The following BPTF variants were observed in gnomAD, a reference collection of about 807,000 sequenced individuals.
BPTF encodes nucleosome-remodeling factor subunit BPTF.
A neutral mutation model predicts 292.5 loss-of-function variants in BPTF; 18 were observed. The ratio of observed to expected loss-of-function variants is 0.06; its 90% CI spans 0.04 to 0.09. The LOEUF (loss-of-function observed/expected upper bound fraction) is 0.09. Ranked by LOEUF, BPTF falls within the 10% of genes least tolerant of loss-of-function variation. The pLI, the probability that BPTF is intolerant of heterozygous loss-of-function variation, is 1.00. For missense variants in BPTF, 2,726 were observed against 3,498.7 expected (o/e 0.78, Z 5.57); for synonymous variants, 1,225 against 1,251.9 (o/e 0.98, Z 0.45).
rs2070526119 is a variant in BPTF, at chr17:67,982,394, TG to T, written c.*107del. 1 of 1,066,478 alleles carries T rather than the reference TG, an allele frequency of 9.4e-7. No homozygotes were observed. Among genetic ancestry groups the T allele is most frequent in the East Asian group, 2.4e-5 (1 of 41,080 alleles). The allele number at this position is 1,066,478 out of a possible 1,614,324, so 66.1% of individuals were successfully genotyped here. ...TTAGTCAGGCTATCCTGACAAGACT[TG>T]ACCTAAACTTCGTTTTTATTGGTCA... On this transcript the variant is annotated 3_prime_UTR_variant, in exon 28 of 28. Transcript: ENST00000306378.
Position 67,912,861 on chromosome 17 carries a change from G to A in BPTF, c.4977G>A (p.Thr1659=), listed in dbSNP as rs766814529. The change falls in exon 11 of 28, where the codon ACG becomes ACA. Residue 1659 remains threonine, a synonymous_variant. Coordinates refer to ENST00000306378, the MANE Select transcript of BPTF (RefSeq NM_182641.4). ...AGCAGAGCAAAACCGTGGTCACCAC[G>A]ACAGTGACAGACTCCCTGACCACCA... ...VKEQSKTVVT[T]TVTDSLTTTG... is the part of the protein sequence containing the mutation. 12 of 1,614,096 alleles carry A rather than the reference G, an allele frequency of 7.4e-6. No individual in the cohort carries two copies. Among genetic ancestry groups the A allele is most frequent in the East Asian group, 4.5e-5 (2 of 44,880 alleles).
rs538372161 is a variant in BPTF, at chr17:67,952,542, C to T, written c.7926+4236C>T. Reference sequence around the variant, plus strand: ...CCTCCCAAAGTGCTGGGATTCCAGGCGTGAGCCACCACGCCCAGCCAATAG... The same window carrying T: ...CCTCCCAAAGTGCTGGGATTCCAGGTGTGAGCCACCACGCCCAGCCAATAG... On this transcript the variant is annotated intron_variant, in intron 23 of 27. Transcript: ENST00000306378. Among the ~76,000 whole-genome samples the T allele has an allele frequency of 1.2e-3, 186 of 152,222 alleles. 3 individuals are homozygous for T. The highest frequency in any genetic ancestry group is 4.3e-3 in the African/African-American group (180 of 41,540).
chr17:67,954,527 C>A (rs1437875127), intron 23 of BPTF, among the ~76,000 whole-genome samples: 2 of 152,172 alleles, frequency 1.3e-5, no homozygotes, highest in Non-Finnish European at 2.9e-5. Context: ...CCTTACCCCC[C>A]AGAAACCCTA....
intron 9 of BPTF, among the ~76,000 whole-genome samples, chr17:67,906,757 G>A (rs947791043): frequency 6.6e-6 from 1 of 151,958 alleles, no homozygotes. Flanking sequence ...TATCTTGCTC[G>A]CGACAGAATT....
chr17:67,849,382 G>A (rs1227081629), intron 1 of BPTF, among the ~76,000 whole-genome samples: 1 of 152,228 alleles, frequency 6.6e-6, no homozygotes, highest in Non-Finnish European at 1.5e-5. Context: ...GCTTGGGCCT[G>A]AGATTCTGAA....
chr17:67,849,994 G>A (rs1276561598), intron 1 of BPTF, among the ~76,000 whole-genome samples: 1 of 152,058 alleles, frequency 6.6e-6, no homozygotes, highest in Non-Finnish European at 1.5e-5. Flanking sequence ...TTGAATCAGT[G>A]ACATATGCAC....
chr17:67,971,843 AAG>A (rs1491060621), intron 26 of BPTF, among the ~76,000 whole-genome samples: 3 of 150,844 alleles, frequency 2.0e-5, no homozygotes, highest in African/African-American at 7.4e-5. Flanking sequence ...AAAAAAAAAA[AAG>A]AGAAGAAAAA....
At chr17:67,852,845 A>G (rs1442520892) in intron 1 of BPTF, among the ~76,000 whole-genome samples, 1 of 152,224 alleles carries the variant, frequency 6.6e-6, no homozygotes, top group African/African-American at 2.4e-5. Context: ...CCAAAAATAG[A>G]TCAGAATGGG....
intron 3 of BPTF, among the ~76,000 whole-genome samples, chr17:67,868,039 A>G (rs2059488861): frequency 6.6e-6 from 1 of 152,090 alleles, no homozygotes; most frequent in South Asian, 2.1e-4. Context: ...TTTTTCAGGC[A>G]TTTATTTCTA....
At chr17:67,868,153 CTT>C (rs1420885035) in intron 3 of BPTF, among the ~76,000 whole-genome samples, 1 of 151,960 alleles carries the variant, frequency 6.6e-6, no homozygotes, top group Non-Finnish European at 1.5e-5. Context: ...TTACTCAACT[CTT>C]TATTTTTTTA....
intron 15 of BPTF, 131 bp from the exon 16 acceptor site, chr17:67,928,224 G>A (rs2064081467): frequency 9.7e-7 from 1 of 1,026,302 alleles, no homozygotes; most frequent in African/African-American, 1.6e-5. Flanking sequence ...ATTCTTTTTG[G>A]AAGTAAAATA....
intron 11 of BPTF, 103 bp downstream of exon 11, chr17:67,913,290 G>A: frequency 2.1e-6 from 3 of 1,444,808 alleles, no homozygotes; most frequent in South Asian, 1.5e-5. Context: ...AGATAAGACA[G>A]GAAACATATT....
At chr17:67,928,624 A>G (rs9904157) in intron 16 of BPTF, 23 bp downstream of exon 16, 6 of 1,571,916 alleles carry the variant, frequency 3.8e-6, no homozygotes, top group Non-Finnish European at 5.2e-6. Context: ...CATTAAGTAA[A>G]AGATTACTTT....
At chr17:67,969,853 G>A (rs1334102272) in intron 26 of BPTF, among the ~76,000 whole-genome samples, 1 of 152,034 alleles carries the variant, frequency 6.6e-6, no homozygotes, top group East Asian at 1.9e-4. Context: ...TTGAACCCAG[G>A]AGGCAGAGGT....
At chr17:67,896,039 C>G (rs1196807109) in intron 7 of BPTF, among the ~76,000 whole-genome samples, 1 of 151,138 alleles carries the variant, frequency 6.6e-6, no homozygotes, top group Non-Finnish European at 1.5e-5. Context: ...TCTCGGCTCA[C>G]TGCAGCTCCG....
At chr17:67,897,882 T>C (rs1294194603) in intron 7 of BPTF, among the ~76,000 whole-genome samples, 1 of 152,136 alleles carries the variant, frequency 6.6e-6, no homozygotes, top group African/African-American at 2.4e-5. Flanking sequence ...AATAGAAAAT[T>C]ATGGCCCTGT....
intron 4 of BPTF, among the ~76,000 whole-genome samples, chr17:67,888,775 G>A (rs776930911): frequency 3.9e-5 from 6 of 152,088 alleles, no homozygotes; most frequent in Admixed American, 2.6e-4. Context: ...TTTGAGAGGT[G>A]AGAAACATAT....
At chr17:67,885,413 A>C (rs1031074617) in intron 4 of BPTF, among the ~76,000 whole-genome samples, 3 of 152,072 alleles carry the variant, frequency 2.0e-5, no homozygotes, top group Admixed American at 2.0e-4. Flanking sequence ...GTGAAACCCT[A>C]TCTCTACCAA....
chr17:67,897,776 T>A (rs1327402898), intron 7 of BPTF, among the ~76,000 whole-genome samples: 2 of 152,208 alleles, frequency 1.3e-5, no homozygotes, highest in Non-Finnish European at 2.9e-5. Context: ...GATAGTTCTA[T>A]TTAAACTTTT....
Sources: gnomAD v4.1 joint callset for allele counts (sites outside exome capture counted in the v4.1 genomes callset) on GRCh38, gnomAD v4.1.1 for gene constraint, MANE v1.5 for transcripts, NCBI Gene and HGNC (gene_info 2026-07-23, HGNC 2026-07-21) for gene names.